The following MRTFB variants were observed in gnomAD, a reference collection of about 807,000 sequenced individuals.
The protein encoded by MRTFB is myocardin related transcription factor B, also known as myocardin-related transcription factor B.
Under a neutral mutation model 104.2 loss-of-function variants are expected in MRTFB, and 29 were observed. That is an observed-to-expected ratio of 0.28 (90% CI 0.21 to 0.38). The LOEUF (loss-of-function observed/expected upper bound fraction) is 0.38, where lower values mean the gene tolerates loss of function less well. Among genes scored for constraint, MRTFB ranks in the 10% least tolerant of loss-of-function variants. The pLI, the probability that MRTFB is intolerant of heterozygous loss-of-function variation, is 1.00. For synonymous variants in MRTFB, 535 were observed against 519.5 expected, an observed-to-expected ratio of 1.03 and a Z score of -0.41; for missense variants, 1,270 against 1,341.6, an observed-to-expected ratio of 0.95 and a Z score of 0.83.
intron 2 of MRTFB, among the ~76,000 whole-genome samples, chr16:14,095,613 T>A (rs2035316009): frequency 1.3e-5 from 2 of 152,202 alleles, no homozygotes; most frequent in South Asian, 4.1e-4. Flanking sequence ...TCAAACTACA[T>A]CAGGCATCAT....
chr16:14,254,229 C>CA (rs1308120397), intron 15 of MRTFB, among the ~76,000 whole-genome samples: 1 of 152,226 alleles, frequency 6.6e-6, no homozygotes, highest in African/African-American at 2.4e-5. Flanking sequence ...CTCAGACTTG[C>CA]AATTCCACGA....
At chr16:14,124,935 A>G (rs565093703) in intron 2 of MRTFB, among the ~76,000 whole-genome samples, 2 of 152,160 alleles carry the variant, frequency 1.3e-5, no homozygotes, top group African/African-American at 4.8e-5. Context: ...TTCCTGTTAT[A>G]TGTTTTCCTT....
intron 2 of MRTFB, among the ~76,000 whole-genome samples, chr16:14,108,551 G>A (rs893004478): frequency 1.3e-5 from 2 of 152,204 alleles, no homozygotes; most frequent in Non-Finnish European, 2.9e-5. Context: ...AGATGGTCAA[G>A]TAAGCTAACT....
intron 2 of MRTFB, among the ~76,000 whole-genome samples, chr16:14,100,334 A>G (rs1450515134): frequency 1.3e-5 from 2 of 152,152 alleles, no homozygotes; most frequent in Non-Finnish European, 2.9e-5. Context: ...TTTGTTAGAT[A>G]TTTTTGAGCA....
At chr16:14,052,739 C>CAA in the MRTFB span, among the ~76,000 whole-genome samples, 5,296 of 74,656 alleles carry the variant, frequency 0.071, 138 homozygotes, top group Middle Eastern at 0.13. Flanking sequence ...AACTCCATCT[C>CAA]AAAAAAAAAA....
chr16:14,173,055 A>C (rs145746806), intron 3 of MRTFB, among the ~76,000 whole-genome samples: 8 of 152,224 alleles, frequency 5.3e-5, no homozygotes, highest in Non-Finnish European at 7.4e-5. Flanking sequence ...GCATACTCAT[A>C]TGGTTTGATT....
At chr16:14,026,722 A>G in the MRTFB span, among the ~76,000 whole-genome samples, 4 of 152,212 alleles carry the variant, frequency 2.6e-5, no homozygotes, top group Non-Finnish European at 4.4e-5. Flanking sequence ...AAGAAATCCA[A>G]TTAGAAAATG....
the MRTFB span, among the ~76,000 whole-genome samples, chr16:14,018,203 C>G: frequency 1.3e-5 from 2 of 152,134 alleles, no homozygotes; most frequent in African/African-American, 4.8e-5. Context: ...AATCCAAGCT[C>G]TGGAACTGCA....
the MRTFB span, among the ~76,000 whole-genome samples, chr16:14,029,641 G>T: frequency 6.6e-6 from 1 of 151,844 alleles, no homozygotes; most frequent in South Asian, 2.1e-4. Context: ...CATCATCATT[G>T]TCTTCATCGT....
chr16:14,022,391 A>G, the MRTFB span, among the ~76,000 whole-genome samples: 2 of 152,188 alleles, frequency 1.3e-5, no homozygotes, highest in Admixed American at 1.3e-4. Context: ...ATAAAATTGT[A>G]TATGCAAAAA....
the MRTFB span, among the ~76,000 whole-genome samples, chr16:14,022,013 A>G: frequency 2.0e-5 from 3 of 151,958 alleles, no homozygotes; most frequent in African/African-American, 7.3e-5. Flanking sequence ...TCTGCCACAT[A>G]CCTCTGACTC....
rs141566486 is a variant in MRTFB at position 14,136,520 on chromosome 16, A to G, written c.-63-4024A>G. Among the ~76,000 whole-genome samples, 266 of 152,222 alleles carry G rather than the reference A, an allele frequency of 1.7e-3. 1 individual carries two copies. The highest frequency in any genetic ancestry group is 5.9e-3 in the African/African-American group (245 of 41,540). ...CAGAATCTCTGGAGATTCCCCACCAACAACCCCTACCCATCAGGGATTTTT... is the reference window on the plus strand; with the variant it reads ...CAGAATCTCTGGAGATTCCCCACCAGCAACCCCTACCCATCAGGGATTTTT... On this transcript the variant is annotated intron_variant, in intron 2 of 16. Transcript: ENST00000571589.
chr16:14,016,723 A>G, the MRTFB span, among the ~76,000 whole-genome samples: 1 of 140,806 alleles, frequency 7.1e-6, no homozygotes, highest in African/African-American at 2.7e-5. Context: ...CGGCGAGCCG[A>G]GATCACACCA....
the MRTFB span, among the ~76,000 whole-genome samples, chr16:14,036,775 A>T: frequency 6.6e-6 from 1 of 151,852 alleles, no homozygotes; most frequent in Non-Finnish European, 1.5e-5. Context: ...TCCATCATAC[A>T]CTCTTAAAGT....
the MRTFB span, among the ~76,000 whole-genome samples, chr16:14,059,179 T>C: frequency 1.3e-5 from 2 of 152,158 alleles, no homozygotes; most frequent in Non-Finnish European, 2.9e-5. Context: ...CAAATCAGGG[T>C]ATTAACATAT....
chr16:14,066,113 A>T, the MRTFB span, among the ~76,000 whole-genome samples: 1 of 152,220 alleles, frequency 6.6e-6, no homozygotes, highest in Non-Finnish European at 1.5e-5. Flanking sequence ...TTAAGTGCTT[A>T]ATACATTTTT....
chr16:14,225,339 G>A (rs1246316641), intron 8 of MRTFB, among the ~76,000 whole-genome samples: 4 of 152,088 alleles, frequency 2.6e-5, no homozygotes, highest in Admixed American at 6.5e-5. Flanking sequence ...ATATAACAAC[G>A]TAGTTTGTGA....
intron 8 of MRTFB, among the ~76,000 whole-genome samples, chr16:14,227,501 G>A (rs1291681626): frequency 6.6e-6 from 1 of 151,928 alleles, no homozygotes; most frequent in East Asian, 1.9e-4. Flanking sequence ...AAATTATCCA[G>A]CCTCAATTTT....
chr16:14,265,643 C>A lies in MRTFB; in HGVS notation c.*4199C>A, dbSNP rs1055265458. On this transcript the variant is annotated 3_prime_UTR_variant, in exon 17 of 17. Transcript: ENST00000571589. ...CGTGTTTTTTCCACATTCGCCCTTTCTTGCAGTATCCAGGGAAACACATCA... is the reference window on the plus strand; with the variant it reads ...CGTGTTTTTTCCACATTCGCCCTTTATTGCAGTATCCAGGGAAACACATCA... 6.6e-6 allele frequency: 1 copy of A among 152,188 alleles called. No individual in the cohort carries two copies. Among genetic ancestry groups the A allele is most frequent in the African/African-American group, 2.4e-5 (1 of 41,452 alleles). 9.4% of individuals were successfully genotyped at this position (152,188 alleles called of 1,614,324 possible).
Sources: gnomAD v4.1 joint callset for allele counts (sites outside exome capture counted in the v4.1 genomes callset) on GRCh38, gnomAD v4.1.1 for gene constraint, MANE v1.5 for transcripts, NCBI Gene and HGNC (gene_info 2026-07-23, HGNC 2026-07-21) for gene names.